Variants in PDS5B observed in about 807,000 individuals in gnomAD.
The protein encoded by PDS5B is sister chromatid cohesion protein PDS5 homolog B.
In PDS5B, 51 loss-of-function variants were observed where a neutral mutation model predicts 184.1. The ratio of observed to expected loss-of-function variants is 0.28; its 90% CI spans 0.22 to 0.35. The LOEUF is 0.35. PDS5B is among the 10% of genes least tolerant of loss of function. The pLI is 1.00. For missense variants in PDS5B, 1,180 were observed against 1,723.3 expected (o/e 0.68, Z 5.58); for synonymous variants, 566 against 569.2 (o/e 0.99, Z 0.08).
At chr13:32,598,626 A>C (rs893659492) in intron 1 of PDS5B, among the ~76,000 whole-genome samples, 2 of 152,102 alleles carry the variant, frequency 1.3e-5, no homozygotes, top group Non-Finnish European at 2.9e-5. Context: ...ACATGCCACC[A>C]AGAATTTCCT....
Position 32,694,264 on chromosome 13 carries a change from A to G in PDS5B, c.1511A>G (p.His504Arg). Residue 504 changes from histidine (H) to arginine (R), a missense_variant, in exon 14 of 35, where the codon CAT (histidine) becomes CGT (arginine). This residue lies in a region of PDS5B where 475 missense variants were observed against 691.5 expected (regional missense o/e 0.69). Transcript: ENST00000315596. ...EMWKCQNLLR[H>R]QVKDLLDLIK... ...TGGAAATGTCAAAATCTGCTCCGAC[A>G]TCAAGTAAAGGATTTGCTTGACTTG... 3 of 1,602,940 alleles carry G rather than the reference A, an allele frequency of 1.9e-6. No individual in the cohort carries two copies. Among genetic ancestry groups the G allele is most frequent in the Non-Finnish European group, 2.6e-6 (3 of 1,175,966 alleles).
chr13:32,659,550 A>G (rs1306348322), intron 6 of PDS5B, among the ~76,000 whole-genome samples: 5 of 152,168 alleles, frequency 3.3e-5, no homozygotes, highest in African/African-American at 4.8e-5. Context: ...AGTAGTAGCT[A>G]CTTAGATGCT....
intron 26 of PDS5B, among the ~76,000 whole-genome samples, chr13:32,757,439 T>C (rs745574533): frequency 1.3e-5 from 2 of 152,186 alleles, no homozygotes; most frequent in Non-Finnish European, 2.9e-5. Flanking sequence ...CCCATTACTT[T>C]TCTCCTCTAT....
At chr13:32,709,570 C>A (rs1267633074) in intron 18 of PDS5B, among the ~76,000 whole-genome samples, 1 of 152,048 alleles carries the variant, frequency 6.6e-6, no homozygotes, top group African/African-American at 2.4e-5. Flanking sequence ...TCTTCAGTCT[C>A]TGCTAATGAT....
intron 21 of PDS5B, among the ~76,000 whole-genome samples, chr13:32,739,816 C>T (rs1223099018): frequency 1.3e-5 from 2 of 152,166 alleles, no homozygotes; most frequent in Non-Finnish European, 2.9e-5. Flanking sequence ...AGTCCATATC[C>T]TCTTCAGTGC....
chr13:32,617,473 C>G (rs2058236738), intron 1 of PDS5B, among the ~76,000 whole-genome samples: 1 of 152,190 alleles, frequency 6.6e-6, no homozygotes, highest in South Asian at 2.1e-4. Flanking sequence ...GTGGCAAATG[C>G]TGTTTTTATT....
At chr13:32,742,449 G>T in intron 22 of PDS5B, 142 bp from the exon 23 acceptor site, 1 of 619,734 alleles carries the variant, frequency 1.6e-6, no homozygotes, top group Non-Finnish European at 2.7e-6. Context: ...AAACATTCGA[G>T]ATTATCTTCA....
intron 27 of PDS5B, 48 bp downstream of exon 27, chr13:32,758,267 T>C: frequency 7.2e-7 from 1 of 1,390,154 alleles, no homozygotes; most frequent in Non-Finnish European, 9.7e-7. Flanking sequence ...GATTTAAAAA[T>C]TTAGGTGTAA....
At chr13:32,729,810 G>GT (rs1264181984) in intron 19 of PDS5B, among the ~76,000 whole-genome samples, 1 of 151,986 alleles carries the variant, frequency 6.6e-6, no homozygotes, top group Non-Finnish European at 1.5e-5. Flanking sequence ...TTGTAAATTC[G>GT]TTTAAGTTTC....
chr13:32,728,353 T>A (rs1466146278), intron 19 of PDS5B, among the ~76,000 whole-genome samples: 1 of 152,292 alleles, frequency 6.6e-6, no homozygotes, highest in South Asian at 2.1e-4. Context: ...CTTTCTACTA[T>A]GTCTAGTAGG....
chr13:32,761,334 T>C (rs1024432424), intron 30 of PDS5B, among the ~76,000 whole-genome samples: 1 of 152,206 alleles, frequency 6.6e-6, no homozygotes, highest in African/African-American at 2.4e-5. Flanking sequence ...AAGTGTGTTT[T>C]TGCTTTTTTG....
chr13:32,640,527 G>T (rs959324269), intron 1 of PDS5B, among the ~76,000 whole-genome samples: 8 of 149,346 alleles, frequency 5.4e-5, no homozygotes, highest in Admixed American at 3.4e-4. Context: ...GATTACAGGC[G>T]TGAGCCACTG....
At chr13:32,651,080 T>G (rs1950355992) in intron 2 of PDS5B, among the ~76,000 whole-genome samples, 1 of 152,214 alleles carries the variant, frequency 6.6e-6, no homozygotes, top group African/African-American at 2.4e-5. Flanking sequence ...CAGAGAAAGC[T>G]CTTCTGAGAA....
chr13:32,673,044 T>C (rs1020883346), intron 7 of PDS5B, among the ~76,000 whole-genome samples, 172 bp from the exon 8 acceptor site: 1 of 152,240 alleles, frequency 6.6e-6, no homozygotes, highest in African/African-American at 2.4e-5. Context: ...GGATTCCATG[T>C]TTTATCTTTC....
In PDS5B at chr13:32,587,104, C is replaced by T. The variant is rs1345193028; in HGVS notation, c.-20+511C>T. 5.4e-5 allele frequency among the ~76,000 whole-genome samples: 8 copies of T among 147,628 alleles called. No individual in the cohort carries two copies. The South Asian group carries it at 6.3e-4, about 12-fold the overall frequency. ...TGCTCCTGTTGAATCCTCCCGCGGG[C>T]GGGCTTCTCCCCCTTCCGGGCGAGG... On this transcript the variant is annotated intron_variant, in intron 1 of 34. Coordinates refer to ENST00000315596, the MANE Select transcript of PDS5B (RefSeq NM_015032.4).
intron 30 of PDS5B, among the ~76,000 whole-genome samples, chr13:32,763,732 G>A (rs1712336635): frequency 6.6e-6 from 1 of 152,140 alleles, no homozygotes; most frequent in African/African-American, 2.4e-5. Flanking sequence ...CTGTTTGTAT[G>A]TATGTGTTTT....
chr13:32,737,564 A>G (rs902305551), intron 21 of PDS5B, among the ~76,000 whole-genome samples: 2 of 152,178 alleles, frequency 1.3e-5, no homozygotes, highest in Non-Finnish European at 2.9e-5. Flanking sequence ...GCAAATTCTC[A>G]CTGCTTTGGT....
At chr13:32,772,635 A>ATACATGGT (rs1448277595) in intron 33 of PDS5B, among the ~76,000 whole-genome samples, 5 of 152,334 alleles carry the variant, frequency 3.3e-5, no homozygotes, top group Middle Eastern at 3.4e-3. Flanking sequence ...AGGACCATCT[A>ATACATGGT]CTGTTCCTTG....
intron 6 of PDS5B, among the ~76,000 whole-genome samples, chr13:32,667,557 G>T (rs1345220940): frequency 3.3e-5 from 5 of 152,144 alleles, no homozygotes; most frequent in African/African-American, 1.2e-4. Context: ...AATAGGAAGA[G>T]AATATAATTA....
Sources: gnomAD v4.1 joint callset for allele counts (sites outside exome capture counted in the v4.1 genomes callset) on GRCh38, gnomAD v4.1.1 for gene constraint, gnomAD v4.1.1 regional missense constraint, MANE v1.5 for transcripts, NCBI Gene and HGNC (gene_info 2026-07-23, HGNC 2026-07-21) for gene names.